PRKCH: variants seen among roughly 807,000 people sequenced by gnomAD.
The protein encoded by PRKCH is protein kinase C eta type.
PRKCH carries 28 observed loss-of-function variants against 82.5 expected under a neutral mutation model. That is an observed-to-expected ratio of 0.34 (90% confidence interval 0.25 to 0.47). PRKCH has a LOEUF of 0.47. Among genes scored for constraint, PRKCH ranks in the 20% least tolerant of loss-of-function variants. PRKCH has a pLI of 1.00. For missense variants in PRKCH, 705 were observed against 881.8 expected (o/e 0.80, Z 2.54); for synonymous variants, 322 against 327.4 (o/e 0.98, Z 0.18).
At chr14:61,538,331 A>G (rs2043139731) in intron 12 of PRKCH, among the ~76,000 whole-genome samples, 1 of 152,230 alleles carries the variant, frequency 6.6e-6, no homozygotes, top group Admixed American at 6.5e-5. Context: ...TAGTGAGGTT[A>G]ACACCCTTCA....
chr14:61,244,556 C>G lies in PRKCH; in HGVS notation c.-19+56888C>G, dbSNP rs531111305. Among the ~76,000 whole-genome samples, 61 of 152,308 alleles carry G rather than the reference C, an allele frequency of 4.0e-4. 1 individual carries two copies. The South Asian group carries it at 0.011, about 26-fold the overall frequency. Reference sequence around the variant, plus strand: ...TGAGAGGTTTCCAGCAAATGCCCCTCTCTAGTGCTCCTAAATCAACTGGGC... The same window carrying G: ...TGAGAGGTTTCCAGCAAATGCCCCTGTCTAGTGCTCCTAAATCAACTGGGC... On this transcript the variant is annotated intron_variant, in intron 1 of 3. Transcript: ENST00000555185.
At chr14:61,297,453 G>C (rs2045414648) in intron 1 of PRKCH, among the ~76,000 whole-genome samples, 1 of 152,152 alleles carries the variant, frequency 6.6e-6, no homozygotes, top group African/African-American at 2.4e-5. Context: ...TTATGCTGCT[G>C]ATTTTCTAAG....
intron 9 of PRKCH, among the ~76,000 whole-genome samples, chr14:61,459,998 C>A (rs1463177642): frequency 6.6e-6 from 1 of 151,970 alleles, no homozygotes; most frequent in African/African-American, 2.4e-5. Context: ...GCACATGCCA[C>A]CACACCTGGC....
In PRKCH at chr14:61,212,256, C is replaced by T. The variant is rs140689394; in HGVS notation, c.-19+24588C>T. 3.9e-3 allele frequency among the ~76,000 whole-genome samples: 592 copies of T among 152,294 alleles called. 4 individuals are homozygous for T. Among genetic ancestry groups the T allele is most frequent in the African/African-American group, 0.014 (566 of 41,542 alleles). On this transcript the variant is annotated intron_variant, in intron 1 of 3. Coordinates refer to the PRKCH transcript ENST00000555185. ...TGGATCAAGCAAGGGCATAACTGTT[C>T]TAGATCACTGAAAGAATTGCAGAGT...
At chr14:61,505,309 C>T (rs938174734) in intron 10 of PRKCH, among the ~76,000 whole-genome samples, 19 of 150,304 alleles carry the variant, frequency 1.3e-4, no homozygotes, top group African/African-American at 4.9e-5. Flanking sequence ...TCTTGGTTCA[C>T]GGATAGCTGC....
At chr14:61,431,054 A>C (rs1238897997) in intron 2 of PRKCH, among the ~76,000 whole-genome samples, 1 of 152,184 alleles carries the variant, frequency 6.6e-6, no homozygotes, top group Admixed American at 6.5e-5. Flanking sequence ...GCACCCGGCC[A>C]ATCAGTAGCT....
chr14:61,210,754 T>TTCTCTCTCTCTCTCTC (rs57385240), intron 1 of PRKCH, among the ~76,000 whole-genome samples: 2 of 144,316 alleles, frequency 1.4e-5, no homozygotes, highest in African/African-American at 5.2e-5. Flanking sequence ...CAAGAGTCCT[T>TTCTCTCTCTCTCTCTC]TCTCTCTCTC....
At chr14:61,460,357 T>A (rs1048727208) in intron 9 of PRKCH, among the ~76,000 whole-genome samples, 1 of 152,340 alleles carries the variant, frequency 6.6e-6, no homozygotes, top group African/African-American at 2.4e-5. Context: ...TGTACTTTTG[T>A]CTTTGTGTGC....
chr14:61,209,872 T>C (rs2044556052), intron 1 of PRKCH, among the ~76,000 whole-genome samples: 1 of 151,924 alleles, frequency 6.6e-6, no homozygotes, highest in Admixed American at 6.6e-5. Context: ...TGTGCACCCA[T>C]TGTTTAGCAC....
intron 1 of PRKCH, among the ~76,000 whole-genome samples, chr14:61,313,684 T>C (rs1380495304): frequency 6.6e-6 from 1 of 152,130 alleles, no homozygotes; most frequent in Non-Finnish European, 1.5e-5. Context: ...CTCACAATCA[T>C]GGTGGAAGGC....
chr14:61,535,283 T>C (rs756230186), intron 12 of PRKCH, among the ~76,000 whole-genome samples: 26 of 151,986 alleles, frequency 1.7e-4, no homozygotes, highest in Admixed American at 1.3e-4. Flanking sequence ...TACAGTCCAG[T>C]TGGGGTGGGG....
At chr14:61,482,255 C>A (rs28705927) in intron 9 of PRKCH, among the ~76,000 whole-genome samples, 4,563 of 152,210 alleles carry the variant, frequency 0.03, 210 homozygotes, top group African/African-American at 0.1. Flanking sequence ...CCTCAGCCTC[C>A]CAAAGTGCTG....
At chr14:61,207,855 T>C (rs2044539550) in intron 1 of PRKCH, among the ~76,000 whole-genome samples, 1 of 152,200 alleles carries the variant, frequency 6.6e-6, no homozygotes, top group African/African-American at 2.4e-5. Context: ...ACTAAAGACA[T>C]GCTCTTCTCA....
intron 6 of PRKCH, 88 bp downstream of exon 6, chr14:61,451,059 T>C (rs1884487821): frequency 7.0e-7 from 1 of 1,438,256 alleles, no homozygotes. Context: ...GAATCTGTCC[T>C]AGAACTGATG....
chr14:61,290,703 T>C (rs2140098358), intron 1 of PRKCH, among the ~76,000 whole-genome samples: 1 of 152,320 alleles, frequency 6.6e-6, no homozygotes, highest in African/African-American at 2.4e-5. Context: ...ATTGCTGTCC[T>C]TCACATAATC....
intron 2 of PRKCH, among the ~76,000 whole-genome samples, chr14:61,440,546 T>A (rs1883909447): frequency 6.6e-6 from 1 of 152,204 alleles, no homozygotes; most frequent in African/African-American, 2.4e-5. Flanking sequence ...GACTCTAATT[T>A]CTTTGACAGG....
chr14:61,210,860 A>G (rs913635277), intron 1 of PRKCH, among the ~76,000 whole-genome samples: 2 of 152,066 alleles, frequency 1.3e-5, no homozygotes, highest in African/African-American at 4.8e-5. Flanking sequence ...TTAGAGAAGC[A>G]GAAGCACTAT....
chr14:61,304,674 A>G (rs1566813341), intron 1 of PRKCH: 1 of 147,488 alleles, frequency 6.8e-6, no homozygotes, highest in Non-Finnish European at 1.5e-5. Flanking sequence ...AAAAAAAAAA[A>G]TTAGTTGGAC....
chr14:61,341,622 G>A (rs897344519), intron 1 of PRKCH, among the ~76,000 whole-genome samples: 3 of 152,208 alleles, frequency 2.0e-5, no homozygotes, highest in African/African-American at 7.2e-5. Context: ...ATAGGAATGG[G>A]TACGGGATAG....
Sources: gnomAD v4.1 joint callset for allele counts (sites outside exome capture counted in the v4.1 genomes callset) on GRCh38, gnomAD v4.1.1 for gene constraint, MANE v1.5 for transcripts, NCBI Gene and HGNC (gene_info 2026-07-23, HGNC 2026-07-21) for gene names.